The following CSN2 variants were observed in gnomAD, a reference collection of about 807,000 sequenced individuals.
CSN2 encodes the protein beta-casein.
Under a neutral mutation model 27.3 loss-of-function variants are expected in CSN2, and 27 were observed. That is an observed-to-expected ratio of 0.99 (90% confidence interval 0.73 to 1.36). The LOEUF (loss-of-function observed/expected upper bound fraction) is 1.36, where lower values mean the gene tolerates loss of function less well. Among genes scored for constraint, CSN2 ranks in the 40% most tolerant of loss-of-function variants. The pLI, the probability that CSN2 is intolerant of heterozygous loss-of-function variation, is 0.00. For missense variants in CSN2, 333 were observed against 264.5 expected, an observed-to-expected ratio of 1.26 and a Z score of -1.80; for synonymous variants, 131 against 94.8, an observed-to-expected ratio of 1.38 and a Z score of -2.22.
At chr4:69,956,011 A>C (rs901917164) in intron 7 of CSN2, among the ~76,000 whole-genome samples, 1 of 152,124 alleles carries the variant, frequency 6.6e-6, no homozygotes, top group Non-Finnish European at 1.5e-5. Context: ...CCATAAAAGT[A>C]AAATAAGTAT....
intron 1 of CSN2, among the ~76,000 whole-genome samples, chr4:69,964,987 T>G (rs1723749113): frequency 6.6e-6 from 1 of 151,798 alleles, no homozygotes. Context: ...TTATCTTTGT[T>G]TATGGTTTCC....
intron 5 of CSN2, among the ~76,000 whole-genome samples, 154 bp from the exon 6 acceptor site, chr4:69,957,958 G>A (rs913072101): frequency 2.0e-5 from 3 of 152,168 alleles, no homozygotes; most frequent in Non-Finnish European, 4.4e-5. Flanking sequence ...CTTGAGTCAT[G>A]CGAAGAAAAA....
At chr4:69,957,224 T>C in intron 6 of CSN2, 50 bp downstream of exon 6, 3 of 1,448,858 alleles carry the variant, frequency 2.1e-6, no homozygotes, top group Non-Finnish European at 2.8e-6. Flanking sequence ...TATTCTACCA[T>C]CACATACACA....
At chr4:69,957,180 T>C in intron 6 of CSN2, 94 bp downstream of exon 6, 2 of 1,280,372 alleles carry the variant, frequency 1.6e-6, no homozygotes, top group Non-Finnish European at 2.1e-6. Flanking sequence ...ATCTAAACTG[T>C]TTTTTTAATT....
At chr4:69,959,958 A>G in intron 3 of CSN2, 95 bp downstream of exon 3, 1 of 1,062,328 alleles carries the variant, frequency 9.4e-7, no homozygotes, top group Non-Finnish European at 1.4e-6. Context: ...ATATGTCATT[A>G]ACATAGCTGC....
At position 69,959,083 on chromosome 4, in the gene CSN2, T is replaced by C. The variant is rs1723489619; in HGVS notation, c.79-14A>G. 4.5e-6 allele frequency: 6 copies of C among 1,319,950 alleles called. No homozygotes were observed. The highest frequency in any genetic ancestry group is 6.3e-6 in the Non-Finnish European group (6 of 955,222). 81.8% of individuals were successfully genotyped at this position (1,319,950 alleles called of 1,614,324 possible). Reference sequence around the variant, plus strand: ...TGTAATAGATTCCTACAGAAAAATATAAAATAAAATTAGGTTTAGTTTTAA... The same window carrying C: ...TGTAATAGATTCCTACAGAAAAATACAAAATAAAATTAGGTTTAGTTTTAA... On this transcript the variant is annotated splice_polypyrimidine_tract_variant and intron_variant, in intron 3 of 7. Transcript: ENST00000353151.
chr4:69,962,353 C>A (rs543522426), intron 1 of CSN2, among the ~76,000 whole-genome samples: 1 of 152,224 alleles, frequency 6.6e-6, no homozygotes, highest in East Asian at 1.9e-4. Context: ...GCTACAGTAA[C>A]CAAAACAGCA....
intron 1 of CSN2, among the ~76,000 whole-genome samples, chr4:69,964,615 C>A (rs1355235147): frequency 6.6e-6 from 1 of 151,150 alleles, no homozygotes; most frequent in African/African-American, 2.4e-5. Flanking sequence ...TGCCTAAGAC[C>A]ACTATAAGTT....
intron 1 of CSN2, among the ~76,000 whole-genome samples, chr4:69,962,800 C>G (rs1178522584): frequency 6.6e-6 from 1 of 152,110 alleles, no homozygotes; most frequent in African/African-American, 2.4e-5. Context: ...GAACAGGCAA[C>G]CTGCAGAATG....
intron 1 of CSN2, among the ~76,000 whole-genome samples, chr4:69,963,699 C>T (rs1181049269): frequency 1.3e-5 from 2 of 152,072 alleles, no homozygotes; most frequent in Non-Finnish European, 2.9e-5. Context: ...AACAAACCTG[C>T]ACTTTGTGCA....
intron 1 of CSN2, among the ~76,000 whole-genome samples, chr4:69,964,078 T>C (rs921865963): frequency 1.4e-4 from 21 of 152,330 alleles, no homozygotes; most frequent in African/African-American, 4.1e-4. Context: ...AGAGACTTTA[T>C]TGGACTATTG....
intron 1 of CSN2, 130 bp from the exon 2 acceptor site, chr4:69,961,137 G>A (rs1723566406): frequency 1.8e-6 from 1 of 569,616 alleles, no homozygotes; most frequent in East Asian, 2.8e-5. Context: ...TCTGCATTTA[G>A]AAAATAAATA....
chr4:69,956,432 A>C, intron 6 of CSN2, 77 bp from the exon 7 acceptor site: 2 of 1,163,390 alleles, frequency 1.7e-6, no homozygotes. Flanking sequence ...GTAAGTAGTG[A>C]AATAAGCATC....
At chr4:69,965,235 G>T (rs1049310130) in intron 1 of CSN2, among the ~76,000 whole-genome samples, 1 of 151,010 alleles carries the variant, frequency 6.6e-6, no homozygotes, top group Non-Finnish European at 1.5e-5. Flanking sequence ...TCTCAACTCA[G>T]TATGCTACTG....
At chr4:69,961,443 A>C (rs1723578591) in intron 1 of CSN2, among the ~76,000 whole-genome samples, 1 of 152,180 alleles carries the variant, frequency 6.6e-6, no homozygotes, top group African/African-American at 2.4e-5. Context: ...AAAATCAATA[A>C]ATGTAATCCA....
In CSN2 at chr4:69,957,350, T is replaced by C. The variant is rs1237408237; in HGVS notation, c.599A>G (p.Gln200Arg). The C allele has an allele frequency of 1.2e-6, 2 of 1,612,202 alleles. No homozygotes were observed. Among genetic ancestry groups the C allele is most frequent in the Non-Finnish European group, 1.7e-6 (2 of 1,179,188 alleles). Residue 200 changes from glutamine (Q) to arginine (R), a missense_variant, in exon 6 of 8, where the codon CAA (glutamine) becomes CGA (arginine). Transcript: ENST00000353151. ...AVPVQALLLNQELLLNPTHQI... is the reference protein window; with the variant it reads ...AVPVQALLLNRELLLNPTHQI... ...GTGGGTGGGGTTAAGTAGAAGTTCT[T>C]GGTTGAGCAGAAGGGCTTGAACAGG...
chr4:69,957,392 T>C lies in CSN2; in HGVS notation c.557A>G (p.Tyr186Cys), dbSNP rs763280162. 2.5e-6 allele frequency: 4 copies of C among 1,613,362 alleles called. No homozygotes were observed. Among genetic ancestry groups the C allele is most frequent in the Non-Finnish European group, 3.4e-6 (4 of 1,179,820 alleles). The change falls in exon 6 of 8, where the codon TAC (tyrosine) becomes TGC (cysteine). Residue 186 changes from tyrosine (Y) to cysteine (C), a missense_variant. Tyr to Cys is a radical substitution (Grantham distance 194). Transcript: ENST00000353151. ...VLPIPQQVVP[Y>C]PQRAVPVQAL... ...TTGAACAGGCACAGCTCTCTGAGGG[T>C]AGGGCACCACTTGCTGGGGGATAGG... is the stretch of plus-strand genomic sequence containing the variant.
Position 69,959,073 on chromosome 4 carries a change from C to A in CSN2, c.79-4G>T. The A allele has an allele frequency of 7.4e-7, 1 of 1,345,842 alleles. No individual in the cohort carries two copies. 83.4% of individuals were successfully genotyped at this position (1,345,842 alleles called of 1,614,324 possible). A position where few individuals can be genotyped will look rare whatever the true frequency, so the allele number is the denominator to read the frequency against. The stretch of plus-strand genomic sequence containing the variant: ...CCTTGTATTCTGTAATAGATTCCTA[C>A]AGAAAAATATAAAATAAAATTAGGT... On this transcript the variant is annotated splice_region_variant and splice_polypyrimidine_tract_variant and intron_variant, in intron 3 of 7. Transcript: ENST00000353151.
In CSN2 at chr4:69,956,315, A is replaced by G; in HGVS notation, c.*35T>C. ...AATCTCCAAACTCCCAAAACTTACC[A>G]AAAATAAGGAGGGAAAATTAACTTT... On this transcript the variant is annotated splice_region_variant and 3_prime_UTR_variant, in exon 7 of 8. Transcript: ENST00000353151. 1 of 1,395,450 alleles carries G rather than the reference A, an allele frequency of 7.2e-7. No individual in the cohort carries two copies. Among genetic ancestry groups the G allele is most frequent in the Non-Finnish European group, 9.5e-7 (1 of 1,057,192 alleles). The allele number at this position is 1,395,450 out of a possible 1,614,324, so 86.4% of individuals were successfully genotyped here.
Sources: allele counts gnomAD v4.1 joint callset (sites outside exome capture counted in the v4.1 genomes callset), GRCh38; gene constraint gnomAD v4.1.1; transcripts MANE v1.5; gene names NCBI Gene and HGNC (gene_info 2026-07-23, HGNC 2026-07-21).